ABLIM2: variants seen among roughly 807,000 people sequenced by gnomAD.
ABLIM2 encodes actin binding LIM protein family member 2, also known as actin-binding LIM protein 2.
ABLIM2 carries 53 observed loss-of-function variants against 97.7 expected under a neutral mutation model. The ratio of observed to expected loss-of-function variants is 0.54; its 90% confidence interval spans 0.44 to 0.68. The LOEUF is 0.68. Among genes scored for constraint, ABLIM2 ranks in the 30% least tolerant of loss-of-function variants. The pLI is 0.00. For missense variants in ABLIM2, 835 were observed against 867.2 expected, an observed-to-expected ratio of 0.96 and a Z score of 0.47; for synonymous variants, 361 against 345.8, an observed-to-expected ratio of 1.04 and a Z score of -0.49.
rs1249497914 is a variant in ABLIM2 at position 8,043,428 on chromosome 4, C to T, written c.900+1736G>A. On this transcript the variant is annotated intron_variant, in intron 9 of 20. Transcript: ENST00000447017. The surrounding 1 kb of genome is among the most constrained non-coding windows in gnomAD (Gnocchi z 4.8). ...GGTATTATGGACTGAACTGTGTCTC[C>T]CCGAATTCCTGTGTTGGTAAAGTCC... is the stretch of plus-strand genomic sequence containing the variant. 6.6e-6 allele frequency among the ~76,000 whole-genome samples: 1 copy of T among 152,026 alleles called. No homozygotes were observed. Among genetic ancestry groups the T allele is most frequent in the Non-Finnish European group, 1.5e-5 (1 of 67,994 alleles).
chr4:8,067,439 C>A lies in ABLIM2; in HGVS notation c.676-6385G>T, dbSNP rs1295369907. On this transcript the variant is annotated intron_variant, in intron 6 of 20. Coordinates refer to ENST00000447017, the MANE Select transcript of ABLIM2 (RefSeq NM_001130083.2). The surrounding 1 kb of genome is among the most constrained non-coding windows in gnomAD (Gnocchi z 5.4). ...GCCTGGGGTCTGAGAAGTCACACAG[C>A]AGAGTTAGAGCCAAGTCTGAGCCAG... The A allele has an allele frequency of 6.6e-6, 1 of 152,396 alleles. No individual in the cohort carries two copies. Among genetic ancestry groups the A allele is most frequent in the Non-Finnish European group, 1.5e-5 (1 of 68,168 alleles). The allele number at this position is 152,396 out of a possible 1,614,324, so 9.4% of individuals were successfully genotyped here.
At chr4:7,994,618 A>G (rs1439530121) in intron 16 of ABLIM2, among the ~76,000 whole-genome samples, 28 of 82,760 alleles carry the variant, frequency 3.4e-4, no homozygotes, top group African/African-American at 9.8e-4. Context: ...ATACCCAGTA[A>G]TGGGATGGCT....
chr4:8,032,165 C>T lies in ABLIM2; in HGVS notation c.1048-2389G>A, dbSNP rs1447778770. ...GCCGCACAGACTGCAGTCTGATTGG[C>T]AGCTCTCTATGTCACTGATTAATTT... On this transcript the variant is annotated intron_variant, in intron 10 of 20. Transcript: ENST00000447017. The surrounding 1 kb of genome is among the most constrained non-coding windows in gnomAD (Gnocchi z 4.3). Among the ~76,000 whole-genome samples, 3 of 149,786 alleles carry T rather than the reference C, an allele frequency of 2.0e-5. No homozygotes were observed. Among genetic ancestry groups the T allele is most frequent in the African/African-American group, 7.4e-5 (3 of 40,466 alleles).
intron 11 of ABLIM2, among the ~76,000 whole-genome samples, chr4:8,028,297 T>G (rs988070048): frequency 2.0e-5 from 3 of 152,208 alleles, no homozygotes; most frequent in Admixed American, 6.5e-5. Context: ...AGGCTGTCCT[T>G]GTGCTATGGG....
intron 9 of ABLIM2, among the ~76,000 whole-genome samples, chr4:8,041,732 C>A (rs1044165598): frequency 6.6e-6 from 1 of 152,080 alleles, no homozygotes; most frequent in African/African-American, 2.4e-5. Flanking sequence ...GAAACCCCGT[C>A]TCTATTAAAA....
At chr4:8,034,483 G>C in intron 10 of ABLIM2, among the ~76,000 whole-genome samples, 1 of 109,548 alleles carries the variant, frequency 9.1e-6, no homozygotes, top group African/African-American at 3.6e-5. Context: ...GTGGTAGGTG[G>C]GTGCAGGTGG....
chr4:8,122,495 T>C lies in ABLIM2; in HGVS notation c.11-15858A>G, dbSNP rs1255191524. ...CCTTCCTGGCTTGCAGACAGCCGCC[T>C]TCTTACTGTGTCCTCACAAGGCAGA... On this transcript the variant is annotated intron_variant, in intron 1 of 20. Transcript: ENST00000447017. The surrounding 1 kb of genome is among the most constrained non-coding windows in gnomAD (Gnocchi z 4.1). Among the ~76,000 whole-genome samples, 3 of 152,186 alleles carry C rather than the reference T, an allele frequency of 2.0e-5. No homozygotes were observed. Among genetic ancestry groups the C allele is most frequent in the African/African-American group, 7.2e-5 (3 of 41,458 alleles).
rs949757521 is a variant in ABLIM2 at position 8,149,139 on chromosome 4, T to C, written c.10+9541A>G. 6.6e-6 allele frequency among the ~76,000 whole-genome samples: 1 copy of C among 152,114 alleles called. No homozygotes were observed. The highest frequency in any genetic ancestry group is 2.4e-5 in the African/African-American group (1 of 41,424). On this transcript the variant is annotated intron_variant, in intron 1 of 20. Transcript: ENST00000447017. This position sits in a 1 kb window ranked among gnomAD's most constrained non-coding sequence, Gnocchi z 6.4. Reference sequence around the variant, plus strand: ...TTCCAGCTTCTAGGGGCACCCGAGTTTCTTGGTGTGGGGCCCCTCCCTTCA... The same window carrying C: ...TTCCAGCTTCTAGGGGCACCCGAGTCTCTTGGTGTGGGGCCCCTCCCTTCA...
Position 8,005,968 on chromosome 4 carries a change from C to G in ABLIM2, c.1618+2091G>C, listed in dbSNP as rs1761019962. ...ATGCCAGGATGGAGGCAGCCGCAGC[C>G]TGCGTGCATCTGCACAGGCAGCCTG... On this transcript the variant is annotated intron_variant, in intron 16 of 20. Coordinates refer to ENST00000447017, the MANE Select transcript of ABLIM2 (RefSeq NM_001130083.2). This position sits in a 1 kb window ranked among gnomAD's most constrained non-coding sequence, Gnocchi z 4.9. Among the ~76,000 whole-genome samples the G allele has an allele frequency of 6.6e-6, 1 of 152,206 alleles. No individual in the cohort carries two copies. Among genetic ancestry groups the G allele is most frequent in the Non-Finnish European group, 1.5e-5 (1 of 68,030 alleles).
intron 8 of ABLIM2, among the ~76,000 whole-genome samples, chr4:8,052,103 G>C (rs58733360): frequency 6.6e-6 from 1 of 152,130 alleles, no homozygotes; most frequent in Non-Finnish European, 1.5e-5. Context: ...GTGTGTCCGC[G>C]TTGTTTTTTC....
rs2152865709 is a variant in ABLIM2 at position 8,120,724 on chromosome 4, C to T, written c.11-14087G>A. On this transcript the variant is annotated intron_variant, in intron 1 of 20. Coordinates refer to ENST00000447017, the MANE Select transcript of ABLIM2 (RefSeq NM_001130083.2). The surrounding 1 kb of genome is among the most constrained non-coding windows in gnomAD (Gnocchi z 5.6). ...TACAGTGCAGGTCCGTCCTGATGAA[C>T]CCGGGGCAAGCTCGTGACATCACTA... Among the ~76,000 whole-genome samples the T allele has an allele frequency of 6.6e-6, 1 of 152,322 alleles. No homozygotes were observed. Among genetic ancestry groups the T allele is most frequent in the Middle Eastern group, 3.4e-3 (1 of 294 alleles).
In ABLIM2 at chr4:7,992,083, GTGTC is replaced by G. The variant is rs1370487755; in HGVS notation, c.1680+779_1680+782del. Among the ~76,000 whole-genome samples the G allele has an allele frequency of 1.3e-5, 2 of 152,170 alleles. No individual in the cohort carries two copies. The highest frequency in any genetic ancestry group is 4.8e-5 in the African/African-American group (2 of 41,432). On this transcript the variant is annotated intron_variant, in intron 17 of 20. Coordinates refer to ENST00000447017, the MANE Select transcript of ABLIM2 (RefSeq NM_001130083.2). This position sits in a 1 kb window ranked among gnomAD's most constrained non-coding sequence, Gnocchi z 5.7. ...GGGGAGACCCCTGGGCTGTGTGTGT[GTGTC>G]TGTGTGTTGGGGGGTCTGGGACCAG...
intron 18 of ABLIM2, among the ~76,000 whole-genome samples, chr4:7,983,978 G>A (rs939642186): frequency 2.6e-5 from 4 of 152,218 alleles, no homozygotes; most frequent in African/African-American, 4.8e-5. Flanking sequence ...ATCTCTCACC[G>A]TCTTACCTTA....
At chr4:8,012,510 C>G (rs1175437832) in intron 14 of ABLIM2, among the ~76,000 whole-genome samples, 1 of 150,214 alleles carries the variant, frequency 6.7e-6, no homozygotes, top group Non-Finnish European at 1.5e-5. Flanking sequence ...ATCCATCTAC[C>G]CACCCACCCA....
At position 8,095,177 on chromosome 4, in the gene ABLIM2, C is replaced by G. The variant is rs1246781273; in HGVS notation, c.338+1922G>C. Among the ~76,000 whole-genome samples the G allele has an allele frequency of 1.3e-5, 2 of 151,870 alleles. No individual in the cohort carries two copies. The highest frequency in any genetic ancestry group is 2.4e-5 in the African/African-American group (1 of 41,288). ...GGAGAGCAGTGGTGCAATCATAGCT[C>G]ACTGCAGCCTCAAAATCCTGGGCCC... On this transcript the variant is annotated intron_variant, in intron 3 of 20. Transcript: ENST00000447017. This position sits in a 1 kb window ranked among gnomAD's most constrained non-coding sequence, Gnocchi z 4.7.
chr4:8,054,772 A>C lies in ABLIM2; in HGVS notation c.764-526T>G, dbSNP rs1349384674. On this transcript the variant is annotated intron_variant, in intron 7 of 20. Coordinates refer to ENST00000447017, the MANE Select transcript of ABLIM2 (RefSeq NM_001130083.2). This position sits in a 1 kb window ranked among gnomAD's most constrained non-coding sequence, Gnocchi z 4.9. The stretch of plus-strand genomic sequence containing the variant: ...TAGGAAGAGAGAACCTCAGCTGGGA[A>C]GTGGGCCTGCTCCTTAGGGTATGGG... 5.3e-5 allele frequency among the ~76,000 whole-genome samples: 8 copies of C among 152,094 alleles called. No homozygotes were observed. Among genetic ancestry groups the C allele is most frequent in the African/African-American group, 1.7e-4 (7 of 41,422 alleles).
rs1368895872 is a variant in ABLIM2 at position 8,125,450 on chromosome 4, T to C, written c.11-18813A>G. ...CCCTTGCTTCGCATGTGAATCGCGATCTGCAGTGCTGATGGCCGCAGGTTT... is the reference window on the plus strand; with the variant it reads ...CCCTTGCTTCGCATGTGAATCGCGACCTGCAGTGCTGATGGCCGCAGGTTT... On this transcript the variant is annotated intron_variant, in intron 1 of 20. Transcript: ENST00000447017. The surrounding 1 kb of genome is among the most constrained non-coding windows in gnomAD (Gnocchi z 6.2). Among the ~76,000 whole-genome samples the C allele has an allele frequency of 6.6e-6, 1 of 152,268 alleles. No homozygotes were observed. The highest frequency in any genetic ancestry group is 1.5e-5 in the Non-Finnish European group (1 of 68,052).
At chr4:7,969,640 G>A (rs1004319450) in intron 20 of ABLIM2, among the ~76,000 whole-genome samples, 1 of 152,024 alleles carries the variant, frequency 6.6e-6, no homozygotes, top group African/African-American at 2.4e-5. Flanking sequence ...TAGTTGGGGT[G>A]ATCTGGAGGA....
At chr4:8,077,201 A>C (rs530759516) in intron 6 of ABLIM2, among the ~76,000 whole-genome samples, 1 of 152,286 alleles carries the variant, frequency 6.6e-6, no homozygotes, top group South Asian at 2.1e-4. Flanking sequence ...AAGGCACACA[A>C]AGCTATCAGC....
Sources: allele counts gnomAD v4.1 joint callset (sites outside exome capture counted in the v4.1 genomes callset), GRCh38; gene constraint gnomAD v4.1.1; non-coding constraint Gnocchi (gnomAD v3.1); transcripts MANE v1.5; gene names NCBI Gene and HGNC (gene_info 2026-07-23, HGNC 2026-07-21).